Variants in CLIP2 observed in about 807,000 individuals in gnomAD.
CLIP2 encodes the protein CAP-Gly domain-containing linker protein 2.
In CLIP2, 41 loss-of-function variants were observed where a neutral mutation model predicts 111.7. The observed-to-expected ratio is 0.37, with a 90% CI of 0.29 to 0.48. The LOEUF (loss-of-function observed/expected upper bound fraction) is 0.48. CLIP2 is among the 20% of genes least tolerant of loss of function. CLIP2 has a pLI of 0.99. For missense variants in CLIP2, 1,160 were observed against 1,422.1 expected (o/e 0.82, Z 2.96); for synonymous variants, 660 against 644.2 (o/e 1.02, Z -0.37).
chr7:74,370,644 C>T (rs1234350495), intron 8 of CLIP2, among the ~76,000 whole-genome samples: 4 of 146,684 alleles, frequency 2.7e-5, no homozygotes, highest in African/African-American at 5.1e-5. Flanking sequence ...TGTCTCACAC[C>T]CCTGCCCCTA....
At position 74,405,786 on chromosome 7, in the gene CLIP2, CCT is replaced by C. The variant is rs2116726861; in HGVS notation, c.*1942_*1943del. The C allele has an allele frequency of 6.5e-6, 1 of 152,730 alleles. No homozygotes were observed. The highest frequency in any genetic ancestry group is 2.1e-4 in the South Asian group (1 of 4,824). 9.5% of individuals were successfully genotyped at this position (152,730 alleles called of 1,614,324 possible). ...CCTTGGGAGCTTCTGCCTCCGTGGG[CCT>C]CTCAGCCCGCCCCGTGTGGCCGCCC... On this transcript the variant is annotated 3_prime_UTR_variant, in exon 17 of 17. Transcript: ENST00000223398.
At chr7:74,369,342 C>A (rs1309278510) in intron 8 of CLIP2, among the ~76,000 whole-genome samples, 4 of 152,032 alleles carry the variant, frequency 2.6e-5, no homozygotes, top group Non-Finnish European at 4.4e-5. Flanking sequence ...CAGAGTGAGA[C>A]TCTGTCTCAA....
chr7:74,361,019 A>T (rs1167544782), intron 7 of CLIP2, among the ~76,000 whole-genome samples: 2 of 150,126 alleles, frequency 1.3e-5, no homozygotes, highest in African/African-American at 2.5e-5. Flanking sequence ...ACCATGAGCC[A>T]GTTCACACTC....
At chr7:74,314,212 C>T (rs960822933) in intron 1 of CLIP2, among the ~76,000 whole-genome samples, 2 of 143,544 alleles carry the variant, frequency 1.4e-5, no homozygotes, top group Non-Finnish European at 3.0e-5. Flanking sequence ...GAAAAGGGAC[C>T]GGGTGCGGTG....
At chr7:74,315,470 C>A (rs1788746296) in intron 1 of CLIP2, among the ~76,000 whole-genome samples, 1 of 151,914 alleles carries the variant, frequency 6.6e-6, no homozygotes, top group South Asian at 2.1e-4. Context: ...GTCTTGAGTT[C>A]CTGGGCTCAA....
chr7:74,372,299 C>T (rs772721056), intron 8 of CLIP2, among the ~76,000 whole-genome samples: 61 of 151,310 alleles, frequency 4.0e-4, no homozygotes, highest in Non-Finnish European at 7.4e-4. Context: ...AGGCACAGCC[C>T]GGCCTCCACC....
chr7:74,351,725 A>G (rs907667355), intron 3 of CLIP2, among the ~76,000 whole-genome samples: 3 of 151,920 alleles, frequency 2.0e-5, no homozygotes, highest in Admixed American at 2.0e-4. Context: ...AATCCCAGCT[A>G]CTCCGGAGGC....
intron 5 of CLIP2, 45 bp downstream of exon 5, chr7:74,356,668 G>T (rs1790157109): frequency 1.9e-6 from 3 of 1,541,332 alleles, no homozygotes; most frequent in Admixed American, 1.9e-5. Context: ...GTGCGTTTGG[G>T]AGGGGTGAGG....
At position 74,375,790 on chromosome 7, in the gene CLIP2, G is replaced by A. The variant is rs550315268; in HGVS notation, c.1486-97G>A. ...TCCACCTGCTGGGGCTGGTGCCCTC[G>A]AATGGACGCCCCCTACCCGGCCCCC... On this transcript the variant is annotated intron_variant, in intron 9 of 16. Coordinates refer to ENST00000223398, the MANE Select transcript of CLIP2 (RefSeq NM_003388.5). 9.6e-5 allele frequency: 101 copies of A among 1,050,230 alleles called. 2 individuals carry two copies. The South Asian group carries it at 1.2e-3, about 12-fold the overall frequency. 65.1% of individuals were successfully genotyped at this position (1,050,230 alleles called of 1,614,324 possible). A position where few individuals can be genotyped will look rare whatever the true frequency, so the allele number is the denominator to read the frequency against.
chr7:74,364,996 TGTG>T (rs1790439203), intron 8 of CLIP2: 8 of 14,780 alleles, frequency 5.4e-4, no homozygotes, highest in African/African-American at 2.6e-3. Flanking sequence ...TTTTTTGTTG[TGTG>T]TGTGTGTGTG....
At chr7:74,401,356 T>C in intron 15 of CLIP2, 149 bp from the exon 16 acceptor site, 1 of 705,514 alleles carries the variant, frequency 1.4e-6, no homozygotes, top group Middle Eastern at 4.0e-4. Context: ...CCCTAGAGGC[T>C]TGGTCTTTGG....
intron 2 of CLIP2, among the ~76,000 whole-genome samples, chr7:74,318,905 G>A (rs1788867092): frequency 6.6e-6 from 1 of 152,184 alleles, no homozygotes. Flanking sequence ...GGGTCCTGGG[G>A]AAGGGGGTCA....
chr7:74,337,513 G>T (rs782798539), intron 2 of CLIP2, among the ~76,000 whole-genome samples: 9 of 152,066 alleles, frequency 5.9e-5, no homozygotes, highest in African/African-American at 1.9e-4. Context: ...CTGGTGGGGG[G>T]GTGGCTTGTA....
rs567459501 is a variant in CLIP2, at chr7:74,309,198, C to T, written c.-67-8282C>T. 5.9e-5 allele frequency among the ~76,000 whole-genome samples: 9 copies of T among 152,054 alleles called. No homozygotes were observed. The South Asian group carries it at 1.9e-3, about 32-fold the overall frequency. ...CCATCTTAAGTGTATGGTTTGGGCCCAGCATAGTGGCTCACACCTGTAATC... is the reference window on the plus strand; with the variant it reads ...CCATCTTAAGTGTATGGTTTGGGCCTAGCATAGTGGCTCACACCTGTAATC... On this transcript the variant is annotated intron_variant, in intron 1 of 16. Coordinates refer to ENST00000223398, the MANE Select transcript of CLIP2 (RefSeq NM_003388.5).
intron 12 of CLIP2, among the ~76,000 whole-genome samples, chr7:74,387,022 C>CAAAA (rs35422612): frequency 2.9e-5 from 2 of 70,062 alleles, no homozygotes; most frequent in Non-Finnish European, 5.8e-5. Context: ...GACTCCATCT[C>CAAAA]AAAAAAAAAA....
In CLIP2 at chr7:74,349,948, G is replaced by T. The variant is rs538221151; in HGVS notation, c.679-3932G>T. 2.0e-5 allele frequency among the ~76,000 whole-genome samples: 3 copies of T among 152,008 alleles called. No individual in the cohort carries two copies. In the South Asian group the frequency reaches 6.2e-4, roughly 32 times the overall value. ...CCATTTCTATGAAGTGTCCAGAAGA[G>T]ACAAATCTGTAGCGATAGGATAGAA... On this transcript the variant is annotated intron_variant, in intron 3 of 16. Coordinates refer to ENST00000223398, the MANE Select transcript of CLIP2 (RefSeq NM_003388.5).
chr7:74,334,502 A>G (rs1357596692), intron 2 of CLIP2, among the ~76,000 whole-genome samples: 3 of 152,028 alleles, frequency 2.0e-5, no homozygotes, highest in Admixed American at 6.6e-5. Context: ...GTCACCTTCG[A>G]CCTGGGGACC....
chr7:74,336,865 T>TG (rs1340271142), intron 2 of CLIP2, among the ~76,000 whole-genome samples: 1 of 25,524 alleles, frequency 3.9e-5, no homozygotes, highest in African/African-American at 6.5e-5. Flanking sequence ...TTTTTGTTTT[T>TG]TTTTTTTTTG....
intron 8 of CLIP2, among the ~76,000 whole-genome samples, chr7:74,372,689 T>A (rs1170726687): frequency 1.1e-5 from 1 of 93,522 alleles, no homozygotes; most frequent in African/African-American, 4.4e-5. Flanking sequence ...CGCCCTACAC[T>A]GACCCAGCCG....
Sources: gnomAD v4.1 joint callset for allele counts (sites outside exome capture counted in the v4.1 genomes callset) on GRCh38, gnomAD v4.1.1 for gene constraint, MANE v1.5 for transcripts, NCBI Gene and HGNC (gene_info 2026-07-23, HGNC 2026-07-21) for gene names.